Variants in NRF1 observed in about 807,000 individuals in gnomAD.
NRF1 encodes the protein nuclear respiratory factor 1.
In NRF1, 5 loss-of-function variants were observed where a neutral mutation model predicts 58.5. The ratio of observed to expected loss-of-function variants is 0.09; its 90% CI spans 0.04 to 0.18. The LOEUF is 0.18. Ranked by LOEUF, NRF1 falls within the 10% of genes least tolerant of loss-of-function variation. The pLI is 1.00. For synonymous variants in NRF1, 224 were observed against 246.7 expected, an observed-to-expected ratio of 0.91 and a Z score of 0.86; for missense variants, 288 against 657.7, an observed-to-expected ratio of 0.44 and a Z score of 6.15.
rs1466767367 is a variant in NRF1 at position 129,756,647 on chromosome 7, A to C, written c.*1466A>C. The C allele has an allele frequency of 6.6e-6, 1 of 152,326 alleles. No individual in the cohort carries two copies. Among genetic ancestry groups the C allele is most frequent in the Non-Finnish European group, 1.5e-5 (1 of 67,998 alleles). The allele number at this position is 152,326 out of a possible 1,614,324, so 9.4% of individuals were successfully genotyped here. On this transcript the variant is annotated 3_prime_UTR_variant, in exon 11 of 11. Coordinates refer to ENST00000393232, the MANE Select transcript of NRF1 (RefSeq NM_005011.5). The stretch of plus-strand genomic sequence containing the variant: ...GGGACAGCTCCTCCTCCCTCCTCCC[A>C]GCTCTCCCCATGTGTGTGATGGTGT...
chr7:129,613,278 T>G (rs1800582780), intron 1 of NRF1, among the ~76,000 whole-genome samples: 1 of 151,958 alleles, frequency 6.6e-6, no homozygotes, highest in Non-Finnish European at 1.5e-5. Context: ...GGTGCTGGAG[T>G]CTTGGAGATG....
At chr7:129,627,504 G>T (rs778314343) in intron 1 of NRF1, among the ~76,000 whole-genome samples, 2 of 152,064 alleles carry the variant, frequency 1.3e-5, no homozygotes, top group African/African-American at 2.4e-5. Context: ...ACCTTGCCCA[G>T]CAAAAGTGCT....
At chr7:129,749,350 G>T (rs998425468) in intron 10 of NRF1, among the ~76,000 whole-genome samples, 1 of 151,636 alleles carries the variant, frequency 6.6e-6, no homozygotes, top group Non-Finnish European at 1.5e-5. Context: ...GCAACTAGAA[G>T]AATGTTATTG....
intron 1 of NRF1, among the ~76,000 whole-genome samples, chr7:129,615,910 C>T (rs1800649232): frequency 6.6e-6 from 1 of 152,044 alleles, no homozygotes; most frequent in Non-Finnish European, 1.5e-5. Flanking sequence ...CCATATTGAG[C>T]TATTGGAAAC....
intron 1 of NRF1, among the ~76,000 whole-genome samples, chr7:129,640,359 A>T (rs79730916): frequency 1.2e-4 from 18 of 151,826 alleles, no homozygotes; most frequent in African/African-American, 3.6e-4. Flanking sequence ...CTACAAAAAA[A>T]TTTTTTTAAT....
intron 10 of NRF1, among the ~76,000 whole-genome samples, chr7:129,736,262 A>C (rs1289473475): frequency 6.7e-6 from 1 of 148,688 alleles, no homozygotes; most frequent in Non-Finnish European, 1.5e-5. Context: ...AATCTCAGCA[A>C]TGCTCAATAG....
intron 2 of NRF1, among the ~76,000 whole-genome samples, chr7:129,658,248 T>A (rs1227439095): frequency 6.6e-6 from 1 of 152,222 alleles, no homozygotes; most frequent in Admixed American, 6.5e-5. Flanking sequence ...TATAAGCTTT[T>A]ACTATTATCA....
rs145264241 is a variant in NRF1 at position 129,635,158 on chromosome 7, T to G, written c.-6-22188T>G. Among the ~76,000 whole-genome samples the G allele has an allele frequency of 7.6e-4, 115 of 152,300 alleles. 1 individual carries two copies. In the East Asian group the frequency reaches 0.016, roughly 21 times the overall value. ...GGATGGTTGAGATTGTAGCATTAAG[T>G]AAGGTATTGTTGGAGCATTAATTTG... On this transcript the variant is annotated intron_variant, in intron 1 of 10. Coordinates refer to ENST00000393232, the MANE Select transcript of NRF1 (RefSeq NM_005011.5).
chr7:129,662,963 C>T (rs12536883), intron 2 of NRF1, among the ~76,000 whole-genome samples: 2,987 of 152,296 alleles, frequency 0.02, 39 homozygotes, highest in South Asian at 0.037. Context: ...TGACTCTTAA[C>T]GAGCATGCTG....
In NRF1 at chr7:129,715,463, C is replaced by G. The variant is rs942270640; in HGVS notation, c.1066-1756C>G. 3.3e-5 allele frequency among the ~76,000 whole-genome samples: 5 copies of G among 152,158 alleles called. No individual in the cohort carries two copies. The South Asian group carries it at 1.0e-3, about 32-fold the overall frequency. On this transcript the variant is annotated intron_variant, in intron 8 of 10. Coordinates refer to ENST00000393232, the MANE Select transcript of NRF1 (RefSeq NM_005011.5). ...GTGGGCAGTGGGAGAGTCTTCATAA[C>G]TTCTCCCCTACTAAAAAGAAAGCAG...
chr7:129,640,886 A>T (rs1452197976), intron 1 of NRF1, among the ~76,000 whole-genome samples: 3 of 152,240 alleles, frequency 2.0e-5, no homozygotes, highest in Non-Finnish European at 2.9e-5. Flanking sequence ...CTCTGTGGAC[A>T]GTTGGATTTG....
At chr7:129,745,506 A>ACCCCCCCCCCCCCCCCCCCCCC (rs35406699) in intron 10 of NRF1, among the ~76,000 whole-genome samples, 1 of 112,582 alleles carries the variant, frequency 8.9e-6, no homozygotes. Flanking sequence ...ATCCCCCTCA[A>ACCCCCCCCCCCCCCCCCCCCCC]CCCCCCCCCC....
At chr7:129,685,945 G>A (rs1053048270) in intron 4 of NRF1, among the ~76,000 whole-genome samples, 11 of 151,434 alleles carry the variant, frequency 7.3e-5, no homozygotes, top group Non-Finnish European at 1.2e-4. Flanking sequence ...TACTAAAAAT[G>A]CAAAAAAATA....
At chr7:129,673,850 CTGTTTTTGG>C (rs1802113340) in intron 3 of NRF1, among the ~76,000 whole-genome samples, 2 of 150,716 alleles carry the variant, frequency 1.3e-5, no homozygotes, top group Non-Finnish European at 1.5e-5. Context: ...TTTTTTTAAG[CTGTTTTTGG>C]CTGGGCATGG....
intron 4 of NRF1, among the ~76,000 whole-genome samples, chr7:129,684,335 A>G (rs1452534754): frequency 6.6e-6 from 1 of 152,234 alleles, no homozygotes; most frequent in Admixed American, 6.5e-5. Flanking sequence ...GCAGACAAGA[A>G]GAGATTGAAA....
At chr7:129,704,053 C>T (rs1802895622) in intron 5 of NRF1, among the ~76,000 whole-genome samples, 1 of 150,452 alleles carries the variant, frequency 6.6e-6, no homozygotes, top group African/African-American at 2.4e-5. Flanking sequence ...CCCCCCACCC[C>T]CCGTTTTTTT....
intron 1 of NRF1, among the ~76,000 whole-genome samples, chr7:129,625,602 G>A (rs1168255105): frequency 2.6e-5 from 4 of 151,742 alleles, no homozygotes; most frequent in Non-Finnish European, 4.4e-5. Flanking sequence ...CTGGGCTCGG[G>A]CAGTCTTCCT....
chr7:129,695,723 T>A (rs1389645223), intron 5 of NRF1, among the ~76,000 whole-genome samples: 1 of 150,878 alleles, frequency 6.6e-6, no homozygotes, highest in East Asian at 1.9e-4. Context: ...ATTTATCTCA[T>A]TTTCTAAAAC....
chr7:129,653,469 A>G (rs1801582554), intron 1 of NRF1, among the ~76,000 whole-genome samples: 1 of 152,166 alleles, frequency 6.6e-6, no homozygotes, highest in East Asian at 1.9e-4. Context: ...CCCAAAGTCC[A>G]TAGTTTACAT....
Sources: allele counts gnomAD v4.1 joint callset (sites outside exome capture counted in the v4.1 genomes callset), GRCh38; gene constraint gnomAD v4.1.1; transcripts MANE v1.5; gene names NCBI Gene and HGNC (gene_info 2026-07-23, HGNC 2026-07-21).